Variants in RAD51B observed in about 807,000 individuals in gnomAD.
RAD51B encodes the protein RAD51 paralog B, also known as DNA repair protein RAD51 homolog 2.
A neutral mutation model predicts 42.2 loss-of-function variants in RAD51B; 38 were observed. That is an observed-to-expected ratio of 0.90 (90% CI 0.70 to 1.18). The LOEUF (loss-of-function observed/expected upper bound fraction) is 1.18. RAD51B is among the 50% of genes most tolerant of loss of function. The pLI is 0.00. For synonymous variants in RAD51B, 154 were observed against 145.2 expected, an observed-to-expected ratio of 1.06 and a Z score of -0.43; for missense variants, 373 against 400.7, an observed-to-expected ratio of 0.93 and a Z score of 0.59.
chr14:68,641,732 A>T lies in RAD51B; in HGVS notation c.1037-9049A>T, dbSNP rs192603538. Reference sequence around the variant, plus strand: ...ATCTATTGATATGATCATGTGATTTAAAAAAAAATACAGAGACAGGGTTTC... The same window carrying T: ...ATCTATTGATATGATCATGTGATTTTAAAAAAAATACAGAGACAGGGTTTC... On this transcript the variant is annotated intron_variant, in intron 10 of 11. Coordinates refer to the RAD51B transcript ENST00000488612. Among the ~76,000 whole-genome samples, 703 of 150,872 alleles carry T rather than the reference A, an allele frequency of 4.7e-3. 7 individuals are homozygous for T. The highest frequency in any genetic ancestry group is 0.016 in the African/African-American group (639 of 41,150).
chr14:68,303,794 C>T (rs927169005), intron 8 of RAD51B, among the ~76,000 whole-genome samples: 1 of 152,098 alleles, frequency 6.6e-6, no homozygotes, highest in Non-Finnish European at 1.5e-5. Flanking sequence ...TATCAAGGCG[C>T]CTAACAGTTA....
At chr14:68,572,263 C>T (rs1042418117) in intron 10 of RAD51B, among the ~76,000 whole-genome samples, 2 of 152,232 alleles carry the variant, frequency 1.3e-5, no homozygotes, top group African/African-American at 4.8e-5. Context: ...CTCAAACCCA[C>T]GGTGGGCTTC....
chr14:67,976,881 C>T (rs561783369), intron 7 of RAD51B, among the ~76,000 whole-genome samples: 2 of 152,058 alleles, frequency 1.3e-5, no homozygotes, highest in Non-Finnish European at 2.9e-5. Context: ...AAAAAACAAA[C>T]AACCTCATCA....
At chr14:68,444,439 A>ATT (rs1555410961) in intron 9 of RAD51B, among the ~76,000 whole-genome samples, 196 of 85,868 alleles carry the variant, frequency 2.3e-3, no homozygotes, top group South Asian at 4.2e-3. Context: ...AGAATTGTGA[A>ATT]TTGTGTGTGT....
At chr14:68,575,408 A>G (rs1469434304) in intron 10 of RAD51B, among the ~76,000 whole-genome samples, 1 of 152,120 alleles carries the variant, frequency 6.6e-6, no homozygotes, top group Non-Finnish European at 1.5e-5. Context: ...GGCAGTCACC[A>G]GATTTTATTT....
At chr14:68,036,334 G>A (rs1464031996) in intron 7 of RAD51B, among the ~76,000 whole-genome samples, 1 of 152,186 alleles carries the variant, frequency 6.6e-6, no homozygotes, top group Admixed American at 6.5e-5. Context: ...TGGCCCTTAC[G>A]TCTAAGATGC....
At chr14:68,236,873 T>A (rs1276362562) in intron 7 of RAD51B, among the ~76,000 whole-genome samples, 2 of 152,198 alleles carry the variant, frequency 1.3e-5, no homozygotes, top group Non-Finnish European at 2.9e-5. Flanking sequence ...TTTGCAGACA[T>A]CCACACAAAG....
intron 7 of RAD51B, among the ~76,000 whole-genome samples, chr14:68,240,167 GT>G (rs1002367904): frequency 2.6e-5 from 4 of 152,112 alleles, no homozygotes; most frequent in East Asian, 1.9e-4. Flanking sequence ...TGGATCTCTA[GT>G]TTTTTTTCAT....
chr14:68,267,236 A>G (rs753904101), intron 7 of RAD51B, among the ~76,000 whole-genome samples: 2 of 152,230 alleles, frequency 1.3e-5, no homozygotes, highest in East Asian at 1.9e-4. Flanking sequence ...AAGGTGAACA[A>G]TCCAGCTGAT....
intron 9 of RAD51B, among the ~76,000 whole-genome samples, chr14:68,450,472 G>GC (rs2085531965): frequency 6.6e-6 from 1 of 152,096 alleles, no homozygotes; most frequent in South Asian, 2.1e-4. Flanking sequence ...ACCCGCCTTG[G>GC]CCGCCCGAAG....
intron 7 of RAD51B, among the ~76,000 whole-genome samples, chr14:68,163,847 C>T (rs574581368): frequency 1.3e-5 from 2 of 152,226 alleles, no homozygotes; most frequent in South Asian, 4.1e-4. Context: ...CAAGTTCTTA[C>T]TCGTTAGAAT....
Position 68,603,503 on chromosome 14 carries a change from T to C in RAD51B, c.1037-7503T>C, listed in dbSNP as rs113606978. On this transcript the variant is annotated intron_variant, in intron 10 of 10. Transcript: ENST00000487861. ...ACAACCATAAAACATGTTATCTGTTTTTTTCATTTATCTTTTCGATTTGGG... is the reference window on the plus strand; with the variant it reads ...ACAACCATAAAACATGTTATCTGTTCTTTTCATTTATCTTTTCGATTTGGG... Among the ~76,000 whole-genome samples the C allele has an allele frequency of 7.6e-3, 1,157 of 152,304 alleles. 29 individuals carry two copies. Among genetic ancestry groups the C allele is most frequent in the East Asian group, 0.063 (327 of 5,174 alleles).
chr14:68,002,310 T>C lies in RAD51B; in HGVS notation c.756+115106T>C, dbSNP rs1338494685. 4.6e-5 allele frequency among the ~76,000 whole-genome samples: 7 copies of C among 152,346 alleles called. No homozygotes were observed. In the East Asian group the frequency reaches 1.2e-3, roughly 25 times the overall value. The stretch of plus-strand genomic sequence containing the variant: ...ATCAATGATGTGGAGCTTTTTGTTA[T>C]ATATTTGTTAGCTGCATGTATATCT... On this transcript the variant is annotated intron_variant, in intron 7 of 10. Transcript: ENST00000471583.
intron 8 of RAD51B, among the ~76,000 whole-genome samples, chr14:68,332,759 A>AAATC: frequency 1.3e-5 from 2 of 152,228 alleles, no homozygotes; most frequent in Non-Finnish European, 2.9e-5. Context: ...AGAAATAAAT[A>AAATC]TCTTTTTCTT....
chr14:68,469,079 G>A (rs777703241), intron 10 of RAD51B: 1 of 512,452 alleles, frequency 2.0e-6, no homozygotes, highest in Non-Finnish European at 3.9e-6. Flanking sequence ...ATATACATCT[G>A]TCCTCTGCTG....
chr14:68,212,645 A>C (rs2079734853), intron 7 of RAD51B, among the ~76,000 whole-genome samples: 1 of 152,234 alleles, frequency 6.6e-6, no homozygotes, highest in Non-Finnish European at 1.5e-5. Flanking sequence ...ATAGTAATGG[A>C]AAATGGCACT....
intron 8 of RAD51B, among the ~76,000 whole-genome samples, chr14:68,331,635 C>T (rs183725904): frequency 7.8e-4 from 119 of 152,174 alleles, no homozygotes; most frequent in South Asian, 1.2e-3. Context: ...GGCCACATCG[C>T]TGAGACAGAT....
chr14:68,091,811 C>T (rs1383475241), intron 7 of RAD51B, among the ~76,000 whole-genome samples: 2 of 152,122 alleles, frequency 1.3e-5, no homozygotes, highest in Non-Finnish European at 2.9e-5. Flanking sequence ...AGGTTTTCTT[C>T]TAGGGTTTTT....
At chr14:68,652,241 C>T (rs960136424) in intron 11 of RAD51B, among the ~76,000 whole-genome samples, 7 of 152,228 alleles carry the variant, frequency 4.6e-5, no homozygotes, top group African/African-American at 1.2e-4. Flanking sequence ...CTCCAGATGC[C>T]GAGGCCACGC....
Sources: allele counts gnomAD v4.1 joint callset (sites outside exome capture counted in the v4.1 genomes callset), GRCh38; gene constraint gnomAD v4.1.1; transcripts MANE v1.5; gene names NCBI Gene and HGNC (gene_info 2026-07-23, HGNC 2026-07-21).